Variants in CEACAM18 observed in about 807,000 individuals in gnomAD.
CEACAM18 encodes the protein CEA cell adhesion molecule 18, also known as cell adhesion molecule CEACAM18.
Under a neutral mutation model 34.3 loss-of-function variants are expected in CEACAM18, and 33 were observed. That is an observed-to-expected ratio of 0.96 (90% CI 0.73 to 1.29). The LOEUF (loss-of-function observed/expected upper bound fraction) is 1.29. Among genes scored for constraint, CEACAM18 ranks in the 50% most tolerant of loss-of-function variants. The probability of loss-of-function intolerance (pLI) is 0.00; values close to 1 mark genes in which losing one functional copy is unlikely to be tolerated. For missense variants in CEACAM18, 474 were observed against 485.0 expected, an observed-to-expected ratio of 0.98 and a Z score of 0.21; for synonymous variants, 169 against 180.9, an observed-to-expected ratio of 0.93 and a Z score of 0.53.
chr19:51,482,952 A>G (rs1599943383), intron 3 of CEACAM18, 65 bp from the exon 4 acceptor site: 3 of 1,572,912 alleles, frequency 1.9e-6, no homozygotes, highest in Non-Finnish European at 8.7e-7. Flanking sequence ...CTGGGGGAGG[A>G]CTTCATGAGA....
chr19:51,480,769 C>A (rs1377599623), intron 2 of CEACAM18, 89 bp downstream of exon 2: 2 of 1,225,092 alleles, frequency 1.6e-6, no homozygotes, highest in Non-Finnish European at 2.3e-6. Context: ...AGCATGACAC[C>A]GGGAGTGGAA....
intron 5 of CEACAM18, 31 bp from the exon 6 acceptor site, chr19:51,490,556 A>G: frequency 8.1e-7 from 1 of 1,232,004 alleles, no homozygotes; most frequent in Non-Finnish European, 1.0e-6. Flanking sequence ...GGGACCTGAG[A>G]TGTGGCTTCT....
At chr19:51,479,823 C>A (rs551497951) in intron 1 of CEACAM18, among the ~76,000 whole-genome samples, 4 of 152,062 alleles carry the variant, frequency 2.6e-5, no homozygotes, top group Admixed American at 1.3e-4. Flanking sequence ...GGGCATACAG[C>A]GTGGCAGTCA....
intron 5 of CEACAM18, among the ~76,000 whole-genome samples, chr19:51,490,039 G>A (rs958765437): frequency 6.6e-6 from 1 of 152,038 alleles, no homozygotes; most frequent in Non-Finnish European, 1.5e-5. Context: ...CCTCCCCTCC[G>A]ATATGAGAGC....
chr19:51,489,187 G>A (rs1033613031), intron 5 of CEACAM18, among the ~76,000 whole-genome samples: 4 of 146,426 alleles, frequency 2.7e-5, no homozygotes, highest in Admixed American at 6.8e-5. Flanking sequence ...AATTTTGGAT[G>A]ATTAGGTTGA....
At chr19:51,490,810 C>G (rs1013454722) in exon 6 of CEACAM18, 1 of 402,810 alleles carries the variant, frequency 2.5e-6, no homozygotes, top group Non-Finnish European at 4.3e-6. Flanking sequence ...CAGACCCCAC[C>G]CGGGACCTGA....
In CEACAM18 at chr19:51,483,262, AT is replaced by A; in HGVS notation, c.920del (p.Met307SerfsTer63). On this transcript the variant is annotated frameshift_variant, in exon 4 of 6. Coordinates refer to ENST00000396477, the Ensembl canonical transcript of CEACAM18. LOFTEE classifies it high-confidence loss of function. ...GGAGAACCCCGTGACACAGCTGATC[AT>A]GTACATGGACGTCAGGATCCAGGCC... 1 of 1,614,042 alleles carries A rather than the reference AT, an allele frequency of 6.2e-7. No individual in the cohort carries two copies. The highest frequency in any genetic ancestry group is 8.5e-7 in the Non-Finnish European group (1 of 1,179,890).
intron 3 of CEACAM18, 113 bp from the exon 4 acceptor site, chr19:51,482,904 A>G: frequency 8.0e-7 from 1 of 1,249,822 alleles, no homozygotes; most frequent in African/African-American, 1.5e-5. Flanking sequence ...GGGCAGGTCT[A>G]GGGGTTAGCC....
chr19:51,490,638 A>C, exon 6 of CEACAM18: 1 of 1,232,580 alleles, frequency 8.1e-7, no homozygotes, highest in South Asian at 4.1e-5. Context: ...CAAGACCAGA[A>C]GGGCAAGCAG....
chr19:51,485,833 T>C (rs1989990115), intron 5 of CEACAM18, among the ~76,000 whole-genome samples: 2 of 152,212 alleles, frequency 1.3e-5, no homozygotes. Flanking sequence ...TTTAGCCGCA[T>C]AACTGGCCTT....
intron 1 of CEACAM18, among the ~76,000 whole-genome samples, chr19:51,479,173 A>C (rs1047517887): frequency 1.1e-4 from 16 of 151,930 alleles, no homozygotes; most frequent in Non-Finnish European, 1.8e-4. Flanking sequence ...TACAAGCACA[A>C]CTGTCCTGCT....
intron 5 of CEACAM18, among the ~76,000 whole-genome samples, chr19:51,488,000 G>A (rs1011331841): frequency 6.6e-6 from 1 of 152,176 alleles, no homozygotes; most frequent in African/African-American, 2.4e-5. Flanking sequence ...CAGCACTGCT[G>A]TAAACCAATT....
intron 3 of CEACAM18, among the ~76,000 whole-genome samples, chr19:51,482,550 C>A (rs1399265562): frequency 1.3e-5 from 2 of 152,232 alleles, no homozygotes; most frequent in African/African-American, 2.4e-5. Flanking sequence ...CCAGAGGCTG[C>A]AGCTGCTCAG....
chr19:51,481,586 T>C (rs1989916815), exon 3 of CEACAM18: 3 of 1,614,046 alleles, frequency 1.9e-6, no homozygotes, highest in Non-Finnish European at 2.5e-6. Context: ...TCAGCCGCTA[T>C]GACAGAACAA....
intron 2 of CEACAM18, 38 bp downstream of exon 2, chr19:51,480,718 A>G (rs1989900778): frequency 1.3e-6 from 2 of 1,554,278 alleles, no homozygotes; most frequent in Non-Finnish European, 1.8e-6. Context: ...ACCCCCAAGG[A>G]GAGCTAGATG....
chr19:51,485,342 GGT>G (rs1989981315), intron 5 of CEACAM18, among the ~76,000 whole-genome samples: 2 of 152,094 alleles, frequency 1.3e-5, no homozygotes, highest in African/African-American at 4.8e-5. Context: ...ATAGCTGTGG[GGT>G]TTCTTCTAGC....
At chr19:51,489,676 T>C (rs930575827) in intron 5 of CEACAM18, among the ~76,000 whole-genome samples, 2 of 152,196 alleles carry the variant, frequency 1.3e-5, no homozygotes, top group Non-Finnish European at 2.9e-5. Context: ...GCAATCGGCC[T>C]GACTGTGCTT....
intron 5 of CEACAM18, among the ~76,000 whole-genome samples, chr19:51,489,213 A>T (rs1599946795): frequency 6.7e-6 from 1 of 149,728 alleles, no homozygotes; most frequent in African/African-American, 2.5e-5. Context: ...AGTCAACCTC[A>T]GTGACTCATT....
rs750508352 is a variant in CEACAM18 at position 51,480,690 on chromosome 19, C to G, written c.400+10C>G. The G allele has an allele frequency of 6.2e-7, 1 of 1,602,434 alleles. No homozygotes were observed. Among genetic ancestry groups the G allele is most frequent in the East Asian group, 2.2e-5 (1 of 44,798 alleles). ...TGGCTGGAGGTTCTAGGTGGGTTAG[C>G]AGGTGCTGTGTTTCCCAACCCCCAA... On this transcript the variant is annotated intron_variant, in intron 2 of 5. Coordinates refer to ENST00000396477, the Ensembl canonical transcript of CEACAM18.
Sources: allele counts gnomAD v4.1 joint callset (sites outside exome capture counted in the v4.1 genomes callset), GRCh38; gene constraint gnomAD v4.1.1; transcripts MANE v1.5; gene names NCBI Gene and HGNC (gene_info 2026-07-23, HGNC 2026-07-21).